The following BCAN variants were observed in gnomAD, a reference collection of about 807,000 sequenced individuals.
The protein encoded by BCAN is brevican.
In BCAN, 51 loss-of-function variants were observed where a neutral mutation model predicts 92.4. That is an observed-to-expected ratio of 0.55 (90% confidence interval 0.44 to 0.70). The LOEUF (loss-of-function observed/expected upper bound fraction) is 0.70. Ranked by LOEUF, BCAN falls within the 30% of genes least tolerant of loss-of-function variation. BCAN has a pLI of 0.00. For missense variants in BCAN, 1,140 were observed against 1,212.1 expected, an observed-to-expected ratio of 0.94 and a Z score of 0.88; for synonymous variants, 501 against 505.2, an observed-to-expected ratio of 0.99 and a Z score of 0.11.
intron 2 of BCAN, chr1:156,646,432 A>AG (rs1027644735): frequency 8.0e-6 from 4 of 500,238 alleles, no homozygotes; most frequent in African/African-American, 7.6e-5. Context: ...GAAACCCTGA[A>AG]GGAGGCCCTA....
At chr1:156,649,820 G>A (rs186564250) in intron 6 of BCAN, 154 of 515,674 alleles carry the variant, frequency 3.0e-4, no homozygotes, top group African/African-American at 2.1e-3. Context: ...GCGGTGTCTC[G>A]GTCCTTCCCC....
intron 1 of BCAN, among the ~76,000 whole-genome samples, chr1:156,645,454 A>G (rs1678931218): frequency 1.3e-5 from 2 of 152,218 alleles, no homozygotes; most frequent in Non-Finnish European, 2.9e-5. Flanking sequence ...GGGTGGGCTC[A>G]GGAGAAGCTG....
At chr1:156,652,940 T>G (rs557853001) in intron 8 of BCAN, 48 bp downstream of exon 8, 1 of 1,602,452 alleles carries the variant, frequency 6.2e-7, no homozygotes, top group South Asian at 1.1e-5. Flanking sequence ...ACTCCTTTTC[T>G]TCCCCCTGCA....
At position 156,659,063 on chromosome 1, in the gene BCAN, C is replaced by T. The variant is rs762442486; in HGVS notation, c.2665C>T (p.Arg889Cys). 61 of 1,601,986 alleles carry T rather than the reference C, an allele frequency of 3.8e-5. No individual in the cohort carries two copies. The highest frequency in any genetic ancestry group is 3.3e-4 in the Middle Eastern group (2 of 6,046). ...ALHPEEDPEGRQGRLLGRWKA... is the reference protein window; with the variant it reads ...ALHPEEDPEGCQGRLLGRWKA... ...GCACCCAGAGGAGGACCCAGAAGGACGTCAGGGGAGGCTACTGGGACGCTG... is the reference window on the plus strand; with the variant it reads ...GCACCCAGAGGAGGACCCAGAAGGATGTCAGGGGAGGCTACTGGGACGCTG... Residue 889 changes from arginine (R) to cysteine (C), a missense_variant, in exon 14 of 14, where the codon CGT (arginine) becomes TGT (cysteine). By Grantham distance (180) the Arg-to-Cys change is radical. Around this residue, in one of 3 missense-constraint regions of BCAN, gnomAD observed 825 missense variants for 871.8 expected, o/e 0.95. Transcript: ENST00000329117.
intron 8 of BCAN, among the ~76,000 whole-genome samples, chr1:156,654,715 A>T (rs777360417): frequency 6.6e-6 from 1 of 152,128 alleles, no homozygotes; most frequent in African/African-American, 2.4e-5. Context: ...CAGAAAGGAC[A>T]ACAGGAGGGA....
Position 156,642,687 on chromosome 1 carries a change from C to T in BCAN, c.-9+412C>T, listed in dbSNP as rs1276743471. The T allele has an allele frequency of 1.3e-5, 2 of 152,494 alleles. No homozygotes were observed. The highest frequency in any genetic ancestry group is 2.4e-5 in the African/African-American group (1 of 41,476). The allele number at this position is 152,494 out of a possible 1,614,324, so 9.4% of individuals were successfully genotyped here. ...CAGCTCCAGGAGCAGCGGCCAGCAA[C>T]CCTTCTGGGGACACCTTACTGTAGT... On this transcript the variant is annotated intron_variant, in intron 1 of 13. Coordinates refer to ENST00000329117, the MANE Select transcript of BCAN (RefSeq NM_021948.5). The surrounding 1 kb of genome is among the most constrained non-coding windows in gnomAD (Gnocchi z 4.2).
chr1:156,647,017 C>A lies in BCAN; in HGVS notation c.308C>A (p.Ala103Asp), dbSNP rs183219725. 2 of 1,612,806 alleles carry A rather than the reference C, an allele frequency of 1.2e-6. No individual in the cohort carries two copies. The change falls in exon 3 of 14, where the codon GCC becomes GAC. Residue 103 changes from alanine to aspartate, a missense_variant. Coordinates refer to ENST00000329117, the MANE Select transcript of BCAN (RefSeq NM_021948.5). The surrounding 1 kb of genome is among the most constrained non-coding windows in gnomAD (Gnocchi z 4.8). ...ARGVRVKVNE[A>D]YRFRVALPAY... is the part of the protein sequence containing the mutation. ...GGAGTGCGCGTCAAGGTGAACGAGG[C>A]CTACCGGTTCCGCGTGGCACTGCCT...
chr1:156,649,316 A>G (rs1679084538), intron 6 of BCAN, among the ~76,000 whole-genome samples: 1 of 152,232 alleles, frequency 6.6e-6, no homozygotes, highest in Admixed American at 6.5e-5. Flanking sequence ...TAACTACCAA[A>G]TACTGGTGGA....
Position 156,647,808 on chromosome 1 carries a change from T to C in BCAN, c.641+126T>C. 6.5e-7 allele frequency: 1 copy of C among 1,531,952 alleles called. No homozygotes were observed. The highest frequency in any genetic ancestry group is 9.0e-7 in the Non-Finnish European group (1 of 1,113,446). The allele number at this position is 1,531,952 out of a possible 1,614,324, so 94.9% of individuals were successfully genotyped here. A position where few individuals can be genotyped will look rare whatever the true frequency, so the allele number is the denominator to read the frequency against. ...GCTTTTTGCCTCTGGGGGATGAGGC[T>C]GGTCTGAGGAGGGGAGGTGAGGACC... is the stretch of plus-strand genomic sequence containing the variant. On this transcript the variant is annotated intron_variant, in intron 4 of 13. Transcript: ENST00000329117. This position sits in a 1 kb window ranked among gnomAD's most constrained non-coding sequence, Gnocchi z 4.8.
In BCAN at chr1:156,648,016, C is replaced by T. The variant is rs540482242; in HGVS notation, c.675C>T (p.Tyr225=). The T allele has an allele frequency of 6.7e-5, 108 of 1,614,026 alleles. No individual in the cohort carries two copies. In the Middle Eastern group the frequency reaches 1.2e-3, roughly 17 times the overall value. Reference sequence around the variant, plus strand: ...TCCAGACCCCACGAGAGGCCTGTTACGGAGACATGGATGGCTTCCCCGGGG... The same window carrying T: ...TCCAGACCCCACGAGAGGCCTGTTATGGAGACATGGATGGCTTCCCCGGGG... ...YPIQTPREAC[Y]GDMDGFPGVR... The change falls in exon 5 of 14, where the codon TAC becomes TAT. Residue 225 remains tyrosine (Y), a synonymous_variant. Transcript: ENST00000329117.
Position 156,646,941 on chromosome 1 carries a change from A to C in BCAN, c.232A>C (p.Lys78Gln). The C allele has an allele frequency of 6.2e-7, 1 of 1,612,768 alleles. No homozygotes were observed. The highest frequency in any genetic ancestry group is 1.3e-5 in the African/African-American group (1 of 75,042). The part of the protein sequence containing the change: ...RRAVLGSPRV[K>Q]WTFLSRGREA... Reference sequence around the variant, plus strand: ...GGCTGTGCTGGGCTCTCCGCGGGTCAAGTGGACTTTCCTGTCCCGGGGCCG... The same window carrying C: ...GGCTGTGCTGGGCTCTCCGCGGGTCCAGTGGACTTTCCTGTCCCGGGGCCG... The change falls in exon 3 of 14, where the codon AAG (lysine) becomes CAG (glutamine). Residue 78 changes from lysine to glutamine, a missense_variant. Physicochemically the swap from Lys to Gln is moderately conservative, Grantham distance 53. This residue lies in a region of BCAN where 286 missense variants were observed against 284.1 expected (regional missense o/e 1.01). Transcript: ENST00000329117.
At position 156,647,316 on chromosome 1, in the gene BCAN, G is replaced by A. The variant is rs1679018288; in HGVS notation, c.466+141G>A. The A allele has an allele frequency of 3.4e-6, 4 of 1,189,762 alleles. No homozygotes were observed. The highest frequency in any genetic ancestry group is 1.7e-5 in the South Asian group (1 of 60,440). The allele number at this position is 1,189,762 out of a possible 1,614,324, so 73.7% of individuals were successfully genotyped here. A position where few individuals can be genotyped will look rare whatever the true frequency, so the allele number is the denominator to read the frequency against. On this transcript the variant is annotated intron_variant, in intron 3 of 13. Coordinates refer to ENST00000329117, the MANE Select transcript of BCAN (RefSeq NM_021948.5). The surrounding 1 kb of genome is among the most constrained non-coding windows in gnomAD (Gnocchi z 4.8). ...GGTTGGAAAAAGAGTGAGGAGACAC[G>A]GGCCTTTGTTGTCTCCTTTCTCTCT...
chr1:156,658,220 A>C lies in BCAN; in HGVS notation c.2386A>C (p.Ser796Arg). ...GGTGTGGCATGATCAGGGACAATGG[A>C]GTGACGTGCCCTGCAACTACCACCT... is the stretch of plus-strand genomic sequence containing the variant. Reference protein sequence around the residue: ...VMVWHDQGQWSDVPCNYHLSY... With the variant: ...VMVWHDQGQWRDVPCNYHLSY... Residue 796 changes from serine to arginine, a missense_variant, in exon 12 of 14, where the codon AGT becomes CGT. By Grantham distance (110) the Ser-to-Arg change is moderately radical (BLOSUM62 -1). This residue lies in a region of BCAN where 825 missense variants were observed against 871.8 expected (regional missense o/e 0.95). Coordinates refer to ENST00000329117, the MANE Select transcript of BCAN (RefSeq NM_021948.5). This position sits in a 1 kb window ranked among gnomAD's most constrained non-coding sequence, Gnocchi z 4.4. 8.7e-6 allele frequency: 14 copies of C among 1,613,984 alleles called. No individual in the cohort carries two copies. Among genetic ancestry groups the C allele is most frequent in the Non-Finnish European group, 1.2e-5 (14 of 1,179,984 alleles).
intron 10 of BCAN, 77 bp from the exon 11 acceptor site, chr1:156,657,598 A>G: frequency 7.9e-7 from 1 of 1,265,094 alleles, no homozygotes; most frequent in Non-Finnish European, 1.1e-6. Context: ...CAAGGCAGTC[A>G]CCGCAGACCG....
chr1:156,645,274 G>T (rs1205424891), intron 1 of BCAN, among the ~76,000 whole-genome samples: 1 of 152,222 alleles, frequency 6.6e-6, no homozygotes, highest in Non-Finnish European at 1.5e-5. Flanking sequence ...CAGGGGCTTT[G>T]TCCCAACTGA....
At chr1:156,645,951 A>C in intron 1 of BCAN, 96 bp from the exon 2 acceptor site, 1 of 990,262 alleles carries the variant, frequency 1.0e-6, no homozygotes, top group Non-Finnish European at 1.5e-6. Flanking sequence ...TTCTGGAGCC[A>C]GGATATGTGT....
Position 156,645,177 on chromosome 1 carries a change from C to A in BCAN, c.-8-870C>A, listed in dbSNP as rs905657943. ...GTAGCCCCTCCCATTTATTCTCCCC[C>A]CCCTTAGTCCACCCTCCAGCCCAAG... On this transcript the variant is annotated intron_variant, in intron 1 of 13. Coordinates refer to ENST00000329117, the MANE Select transcript of BCAN (RefSeq NM_021948.5). 6.6e-5 allele frequency among the ~76,000 whole-genome samples: 10 copies of A among 152,164 alleles called. No homozygotes were observed. The East Asian group carries it at 1.2e-3, about 18-fold the overall frequency.
rs41267399 is a variant in BCAN at position 156,658,114 on chromosome 1, T to C, written c.2293-13T>C. The C allele has an allele frequency of 0.017, 27,084 of 1,612,476 alleles. 296 individuals are homozygous for C. Among genetic ancestry groups the C allele is most frequent in the Non-Finnish European group, 0.02 (23,493 of 1,179,112 alleles). ...GGTGTAGGAGCTCCTCACCACCTCCTCCGTTCCCCCAGCTCTATGAGAACT... is the reference window on the plus strand; with the variant it reads ...GGTGTAGGAGCTCCTCACCACCTCCCCCGTTCCCCCAGCTCTATGAGAACT... On this transcript the variant is annotated splice_polypyrimidine_tract_variant and intron_variant, in intron 11 of 13. Coordinates refer to ENST00000329117, the MANE Select transcript of BCAN (RefSeq NM_021948.5). This position sits in a 1 kb window ranked among gnomAD's most constrained non-coding sequence, Gnocchi z 4.4.
chr1:156,645,087 T>G (rs116704420), intron 1 of BCAN, among the ~76,000 whole-genome samples: 3,189 of 152,306 alleles, frequency 0.021, 109 homozygotes, highest in African/African-American at 0.074. Context: ...AGAGTGTAAG[T>G]GCTTCGAGAT....
Sources: gnomAD v4.1 joint callset for allele counts (sites outside exome capture counted in the v4.1 genomes callset) on GRCh38, gnomAD v4.1.1 for gene constraint, gnomAD v4.1.1 regional missense constraint, Gnocchi (gnomAD v3.1) non-coding constraint, MANE v1.5 for transcripts, NCBI Gene and HGNC (gene_info 2026-07-23, HGNC 2026-07-21) for gene names.